LNP1: variants seen among roughly 807,000 people sequenced by gnomAD.
The protein encoded by LNP1 is leukemia NUP98 fusion partner 1.
LNP1 carries 12 observed loss-of-function variants against 14.5 expected under a neutral mutation model. The ratio of observed to expected loss-of-function variants is 0.83; its 90% CI spans 0.53 to 1.34. LNP1 has a LOEUF of 1.34. Among genes scored for constraint, LNP1 ranks in the 40% most tolerant of loss-of-function variants. The pLI, the probability that LNP1 is intolerant of heterozygous loss-of-function variation, is 0.00. For synonymous variants in LNP1, 75 were observed against 71.4 expected (o/e 1.05, Z -0.26); for missense variants, 198 against 210.9 (o/e 0.94, Z 0.38).
intron 2 of LNP1, among the ~76,000 whole-genome samples, chr3:100,431,992 T>TTATATA (rs66513332): frequency 2.0e-4 from 7 of 34,692 alleles, no homozygotes; most frequent in Non-Finnish European, 4.5e-4. Context: ...GAGACCTTGT[T>TTATATA]TATATATATA....
chr3:100,451,226 G>A (rs1278355143), intron 2 of LNP1, among the ~76,000 whole-genome samples: 3 of 152,206 alleles, frequency 2.0e-5, no homozygotes, highest in Admixed American at 2.0e-4. Context: ...GATGACATGT[G>A]CCAAATGTAG....
At chr3:100,416,600 TG>T (rs1371690788) in intron 1 of LNP1, among the ~76,000 whole-genome samples, 842 of 46,316 alleles carry the variant, frequency 0.018, 26 homozygotes, top group Admixed American at 0.1. Context: ...ATATCTTTTT[TG>T]TGTGTGTGTG....
intron 2 of LNP1, among the ~76,000 whole-genome samples, chr3:100,441,631 A>AATATAT (rs59950841): frequency 2.0e-5 from 3 of 148,174 alleles, no homozygotes; most frequent in Non-Finnish European, 4.5e-5. Flanking sequence ...ATTAGCTTTA[A>AATATAT]ATATATATAT....
intron 1 of LNP1, among the ~76,000 whole-genome samples, chr3:100,411,266 C>T (rs1201256300): frequency 6.6e-6 from 1 of 152,218 alleles, no homozygotes; most frequent in Non-Finnish European, 1.5e-5. Context: ...AAGCACATGA[C>T]TTGTCTGGTT....
intron 1 of LNP1, among the ~76,000 whole-genome samples, chr3:100,417,371 CTTTTTT>C (rs562000656): frequency 0.018 from 1,139 of 64,632 alleles, 13 homozygotes; most frequent in African/African-American, 0.06. Context: ...TTTCTTTTTT[CTTTTTT>C]TTTTTTTTTT....
At chr3:100,410,586 G>A (rs893342393) in intron 1 of LNP1, among the ~76,000 whole-genome samples, 2 of 151,972 alleles carry the variant, frequency 1.3e-5, no homozygotes, top group African/African-American at 4.8e-5. Context: ...AAGAAGGAAT[G>A]GTTAGGAAAA....
chr3:100,418,059 A>ACTTTTTTTTTTTT lies in LNP1; in HGVS notation c.-33-11638_-33-11637insCTTTTTTTTTTTT, dbSNP rs565769310. ...GTTTTGTTCTTTCATTTCTCATACC[A>ACTTTTTTTTTTTT]TTTTTTTTTTTTTTTTTTGAGATGG... On this transcript the variant is annotated intron_variant, in intron 1 of 3. Coordinates refer to ENST00000383693, the MANE Select transcript of LNP1 (RefSeq NM_001085451.2). 8.6e-5 allele frequency among the ~76,000 whole-genome samples: 10 copies of ACTTTTTTTTTTTT among 115,622 alleles called. 3 individuals carry two copies. The highest frequency in any genetic ancestry group is 1.3e-4 in the Non-Finnish European group (7 of 54,340). 75.9% of individuals were successfully genotyped at this position (115,622 alleles called of 152,430 possible).
intron 1 of LNP1, among the ~76,000 whole-genome samples, chr3:100,421,182 C>T (rs564843481): frequency 1.3e-5 from 2 of 152,172 alleles, no homozygotes; most frequent in South Asian, 4.1e-4. Context: ...TTCAATTGCT[C>T]CAAAACCATT....
At chr3:100,411,036 A>G (rs1235693071) in intron 1 of LNP1, among the ~76,000 whole-genome samples, 1 of 152,142 alleles carries the variant, frequency 6.6e-6, no homozygotes, top group Non-Finnish European at 1.5e-5. Flanking sequence ...TGAAGGGGCA[A>G]GGCTACCCTG....
chr3:100,416,101 A>G (rs528963367), intron 1 of LNP1, among the ~76,000 whole-genome samples: 96 of 152,314 alleles, frequency 6.3e-4, no homozygotes, highest in African/African-American at 2.3e-3. Flanking sequence ...ATAATGTCTG[A>G]TTGTCTCTCT....
At chr3:100,405,698 C>G (rs1706958578) in intron 1 of LNP1, among the ~76,000 whole-genome samples, 1 of 152,108 alleles carries the variant, frequency 6.6e-6, no homozygotes, top group African/African-American at 2.4e-5. Flanking sequence ...AATACTATTA[C>G]ATTCCCCTCT....
At chr3:100,417,651 T>TTG (rs1707099280) in intron 1 of LNP1, among the ~76,000 whole-genome samples, 1 of 152,106 alleles carries the variant, frequency 6.6e-6, no homozygotes. Context: ...AATGCTGGGA[T>TTG]TACAGACGTG....
chr3:100,412,932 A>G (rs1707044010), intron 1 of LNP1, among the ~76,000 whole-genome samples: 2 of 152,198 alleles, frequency 1.3e-5, no homozygotes, highest in African/African-American at 4.8e-5. Context: ...AATATGGTCA[A>G]TGCGAAATAA....
intron 3 of LNP1, among the ~76,000 whole-genome samples, chr3:100,452,951 T>G (rs1419316387): frequency 6.6e-6 from 1 of 152,192 alleles, no homozygotes; most frequent in Admixed American, 6.5e-5. Flanking sequence ...GTTTTTTGTT[T>G]TATTTTGCAA....
chr3:100,404,823 C>T (rs1409400808), intron 1 of LNP1, among the ~76,000 whole-genome samples: 3 of 125,232 alleles, frequency 2.4e-5, no homozygotes, highest in East Asian at 5.0e-4. Context: ...GATGGAATTT[C>T]GCTCTGTTGC....
At chr3:100,419,820 A>G (rs1391944539) in intron 1 of LNP1, among the ~76,000 whole-genome samples, 2 of 152,186 alleles carry the variant, frequency 1.3e-5, no homozygotes, top group African/African-American at 4.8e-5. Flanking sequence ...GGTTGTGTGT[A>G]TCAAGCCTGT....
intron 1 of LNP1, among the ~76,000 whole-genome samples, chr3:100,409,999 CTACCTATT>C (rs939876051): frequency 6.6e-6 from 1 of 151,518 alleles, no homozygotes; most frequent in African/African-American, 2.4e-5. Flanking sequence ...ATCTATCTAT[CTACCTATT>C]TTATCTGTCT....
chr3:100,432,002 A>C (rs1707247274), intron 2 of LNP1, among the ~76,000 whole-genome samples: 1 of 3,432 alleles, frequency 2.9e-4, no homozygotes, highest in Admixed American at 3.0e-3. Flanking sequence ...TTATATATAT[A>C]TATATATATA....
At chr3:100,452,791 TA>T (rs1255856065) in intron 3 of LNP1, among the ~76,000 whole-genome samples, 9 of 152,138 alleles carry the variant, frequency 5.9e-5, no homozygotes, top group African/African-American at 1.9e-4. Flanking sequence ...AGACATGAAA[TA>T]GGGGGAAGAA....
Sources: allele counts gnomAD v4.1 joint callset (sites outside exome capture counted in the v4.1 genomes callset), GRCh38; gene constraint gnomAD v4.1.1; transcripts MANE v1.5; gene names NCBI Gene and HGNC (gene_info 2026-07-23, HGNC 2026-07-21).